Variants in DENND2A observed in about 807,000 individuals in gnomAD.
The protein encoded by DENND2A is DENN domain containing 2A.
In DENND2A, 53 loss-of-function variants were observed where a neutral mutation model predicts 105.3. The ratio of observed to expected loss-of-function variants is 0.50; its 90% CI spans 0.40 to 0.63. DENND2A has a LOEUF of 0.63. DENND2A is among the 30% of genes least tolerant of loss of function. The pLI, the probability that DENND2A is intolerant of heterozygous loss-of-function variation, is 0.00. For synonymous variants in DENND2A, 522 were observed against 508.4 expected (o/e 1.03, Z -0.36); for missense variants, 1,138 against 1,279.6 (o/e 0.89, Z 1.69).
chr7:140,589,504 G>A (rs1563162318), intron 3 of DENND2A, among the ~76,000 whole-genome samples: 1 of 152,164 alleles, frequency 6.6e-6, no homozygotes, highest in Non-Finnish European at 1.5e-5. Context: ...TCAGGGCCAG[G>A]GTAGTAACCA....
chr7:140,564,335 A>G (rs1048152037), intron 9 of DENND2A, among the ~76,000 whole-genome samples: 3 of 152,078 alleles, frequency 2.0e-5, no homozygotes, highest in Admixed American at 6.6e-5. Flanking sequence ...AGCCAGATAC[A>G]TTTCTAACAG....
chr7:140,519,658 C>T lies in DENND2A; in HGVS notation c.2972G>A (p.Gly991Asp), dbSNP rs1795781907. 6.2e-7 allele frequency: 1 copy of T among 1,614,140 alleles called. No homozygotes were observed. ...TAGTCCCTTCAGGAACTTATTGACACCGCTGTGCTCTCCACTGGGGAGTGT... is the reference window on the plus strand; with the variant it reads ...TAGTCCCTTCAGGAACTTATTGACATCGCTGTGCTCTCCACTGGGGAGTGT... Reference protein sequence around the residue: ...LETLPSGEHSGVNKFLKGLGN... With the variant: ...LETLPSGEHSDVNKFLKGLGN... The change falls in exon 19 of 20, where the codon GGT (glycine) becomes GAT (aspartate). Residue 991 changes from glycine to aspartate, a missense_variant. This residue lies in a region of DENND2A where 627 missense variants were observed against 779.8 expected (regional missense o/e 0.80). Coordinates refer to ENST00000496613, the MANE Select transcript of DENND2A (RefSeq NM_015689.5).
Position 140,522,069 on chromosome 7 carries a change from C to T in DENND2A, c.2697G>A (p.Val899=). 6.2e-7 allele frequency: 1 copy of T among 1,614,182 alleles called. No homozygotes were observed. Among genetic ancestry groups the T allele is most frequent in the Non-Finnish European group, 8.5e-7 (1 of 1,180,042 alleles). ...CGAAGAAGCGGACAAAGGCTTCAGA[C>T]ACCACCTCGTTCAAGGGGCTGGACT... ...GPESSPLNEV[V]SEAFVRFFVE... The change falls in exon 18 of 20, where the codon GTG becomes GTA. Residue 899 remains valine, a synonymous_variant. Transcript: ENST00000496613.
chr7:140,591,731 TTCTC>T (rs199843276), intron 3 of DENND2A, among the ~76,000 whole-genome samples: 2 of 149,700 alleles, frequency 1.3e-5, no homozygotes, highest in East Asian at 2.0e-4. Flanking sequence ...TTCCTTTCCT[TTCTC>T]TCTCTCTTTT....
chr7:140,623,569 A>G (rs1489116430), intron 1 of DENND2A, among the ~76,000 whole-genome samples: 1 of 151,732 alleles, frequency 6.6e-6, no homozygotes, highest in East Asian at 1.9e-4. Flanking sequence ...CTCTACTAAA[A>G]ATACAAAAAT....
chr7:140,637,009 G>A (rs373973985), intron 1 of DENND2A, among the ~76,000 whole-genome samples: 13 of 152,150 alleles, frequency 8.5e-5, no homozygotes, highest in South Asian at 2.1e-4. Flanking sequence ...ACAGGCATGC[G>A]CCACCACGCC....
intron 1 of DENND2A, among the ~76,000 whole-genome samples, chr7:140,623,402 T>C (rs1800375924): frequency 6.6e-6 from 1 of 150,664 alleles, no homozygotes; most frequent in African/African-American, 2.4e-5. Context: ...AGTAAGGCTG[T>C]AGTCAGGAGA....
rs1798194537 is a variant in DENND2A, at chr7:140,573,884, G to A, written c.1370C>T (p.Thr457Ile). 6.2e-7 allele frequency: 1 copy of A among 1,614,192 alleles called. No individual in the cohort carries two copies. The highest frequency in any genetic ancestry group is 1.7e-5 in the Admixed American group (1 of 60,016). The change falls in exon 6 of 20, where the codon ACT becomes ATT. Residue 457 changes from threonine (T) to isoleucine (I), a missense_variant. This residue lies in a region of DENND2A where 627 missense variants were observed against 779.8 expected (regional missense o/e 0.80). Transcript: ENST00000496613. ...GSPSKISPPSTPSSPDDIFFN... is the reference protein window; with the variant it reads ...GSPSKISPPSIPSSPDDIFFN... ...GAAAATGTCATCAGGGCTGCTGGGA[G>A]TGGAGGGAGGGCTGATTTTGGAAGG...
intron 5 of DENND2A, among the ~76,000 whole-genome samples, chr7:140,583,062 C>T (rs546863240): frequency 6.6e-5 from 10 of 151,656 alleles, no homozygotes; most frequent in East Asian, 1.9e-4. Flanking sequence ...GAGGCTGAGG[C>T]GGGTAGATCA....
intron 1 of DENND2A, among the ~76,000 whole-genome samples, chr7:140,628,668 T>C (rs1440585042): frequency 6.6e-6 from 1 of 150,778 alleles, no homozygotes; most frequent in Non-Finnish European, 1.5e-5. Flanking sequence ...GCCTCCCTAG[T>C]AGCTGGAACT....
chr7:140,590,542 C>T (rs894212566), intron 3 of DENND2A, among the ~76,000 whole-genome samples: 5 of 151,948 alleles, frequency 3.3e-5, no homozygotes, highest in African/African-American at 1.2e-4. Flanking sequence ...TTGTATAATC[C>T]TTCTATATTT....
chr7:140,567,304 A>C, intron 8 of DENND2A, 31 bp from the exon 9 acceptor site: 4 of 657,334 alleles, frequency 6.1e-6, no homozygotes, highest in Non-Finnish European at 8.6e-6. Context: ...GAAAGAGAGA[A>C]AGAGAGAGAG....
chr7:140,607,717 C>T (rs1031809127), intron 1 of DENND2A, among the ~76,000 whole-genome samples: 6 of 152,176 alleles, frequency 3.9e-5, no homozygotes, highest in Admixed American at 6.5e-5. Context: ...CTCTTCTGTC[C>T]GGCATCTGGC....
intron 5 of DENND2A, among the ~76,000 whole-genome samples, chr7:140,581,901 G>A (rs1480832459): frequency 6.6e-6 from 1 of 152,034 alleles, no homozygotes; most frequent in East Asian, 1.9e-4. Context: ...AAAAGGGTTG[G>A]TAAGCCTTTA....
chr7:140,558,262 A>G, intron 10 of DENND2A, 50 bp from the exon 11 acceptor site: 1 of 1,450,056 alleles, frequency 6.9e-7, no homozygotes, highest in Non-Finnish European at 9.7e-7. Context: ...AAAACCAAAG[A>G]CACCTCATCA....
At position 140,527,298 on chromosome 7, in the gene DENND2A, A is replaced by G. The variant is rs1796091414; in HGVS notation, c.2505+20T>C. Reference sequence around the variant, plus strand: ...CTCCGCACCCTGCAGGGAGGGGGACAGGGCTGAGTGGGAGCTCACCTCTTC... The same window carrying G: ...CTCCGCACCCTGCAGGGAGGGGGACGGGGCTGAGTGGGAGCTCACCTCTTC... On this transcript the variant is annotated intron_variant, in intron 15 of 19. Transcript: ENST00000496613. The surrounding 1 kb of genome is among the most constrained non-coding windows in gnomAD (Gnocchi z 4.9). 6.4e-6 allele frequency: 10 copies of G among 1,559,752 alleles called. No individual in the cohort carries two copies. The highest frequency in any genetic ancestry group is 8.7e-6 in the Non-Finnish European group (10 of 1,152,390).
At chr7:140,540,630 C>T (rs529462097) in intron 14 of DENND2A, among the ~76,000 whole-genome samples, 6 of 152,322 alleles carry the variant, frequency 3.9e-5, no homozygotes, top group Middle Eastern at 3.4e-3. Context: ...CAGCGTCCAA[C>T]CTGTCCACCC....
chr7:140,602,315 A>C lies in DENND2A; in HGVS notation c.83T>G (p.Val28Gly). 1 of 1,605,342 alleles carries C rather than the reference A, an allele frequency of 6.2e-7. No homozygotes were observed. Among genetic ancestry groups the C allele is most frequent in the South Asian group, 1.1e-5 (1 of 91,048 alleles). ...SRAGKKQLRG[V>G]QNPCPSARAR... ...TCTGGCAGATGGGCAAGGGTTCTGAACACCTCTGAGCTGCTTCTTCCCAGC... is the reference window on the plus strand; with the variant it reads ...TCTGGCAGATGGGCAAGGGTTCTGACCACCTCTGAGCTGCTTCTTCCCAGC... The change falls in exon 3 of 20, where the codon GTT becomes GGT. Residue 28 changes from valine (V) to glycine (G), a missense_variant. Transcript: ENST00000496613.
chr7:140,519,587 A>C, intron 19 of DENND2A, 45 bp downstream of exon 19: 1 of 1,558,206 alleles, frequency 6.4e-7, no homozygotes. Flanking sequence ...CGAGACAGAC[A>C]GCTCAGAGGC....
Sources: gnomAD v4.1 joint callset for allele counts (sites outside exome capture counted in the v4.1 genomes callset) on GRCh38, gnomAD v4.1.1 for gene constraint, gnomAD v4.1.1 regional missense constraint, Gnocchi (gnomAD v3.1) non-coding constraint, MANE v1.5 for transcripts, NCBI Gene and HGNC (gene_info 2026-07-23, HGNC 2026-07-21) for gene names.